The following SLCO5A1 variants were observed in gnomAD, a reference collection of about 807,000 sequenced individuals.
The protein encoded by SLCO5A1 is organic anion transporter polypeptide-related protein 4.
Under a neutral mutation model 65.1 loss-of-function variants are expected in SLCO5A1, and 39 were observed. The observed-to-expected ratio is 0.60, with a 90% CI of 0.46 to 0.78. The LOEUF is 0.78. SLCO5A1 is among the 30% of genes least tolerant of loss of function. The pLI, the probability that SLCO5A1 is intolerant of heterozygous loss-of-function variation, is 0.00. For synonymous variants in SLCO5A1, 438 were observed against 415.7 expected (o/e 1.05, Z -0.65); for missense variants, 1,029 against 1,069.4 (o/e 0.96, Z 0.53).
At chr8:69,736,417 TC>T (rs1292970119) in intron 5 of SLCO5A1, among the ~76,000 whole-genome samples, 1 of 152,230 alleles carries the variant, frequency 6.6e-6, no homozygotes, top group Non-Finnish European at 1.5e-5. Context: ...CCTACCCGGC[TC>T]AGCACTGCAC....
chr8:69,805,098 C>T (rs1006665915), intron 2 of SLCO5A1, among the ~76,000 whole-genome samples: 2 of 151,632 alleles, frequency 1.3e-5, no homozygotes, highest in Non-Finnish European at 2.9e-5. Context: ...AGTGCACATC[C>T]AAGATAACTA....
intron 4 of SLCO5A1, among the ~76,000 whole-genome samples, chr8:69,742,826 A>T (rs1816848463): frequency 2.9e-5 from 3 of 104,746 alleles, no homozygotes; most frequent in South Asian, 3.4e-4. Flanking sequence ...TTTGAGACTG[A>T]GTCTCGCTCT....
chr8:69,744,651 A>G (rs1286014631), intron 4 of SLCO5A1, among the ~76,000 whole-genome samples: 13 of 152,158 alleles, frequency 8.5e-5, no homozygotes. Flanking sequence ...CCCAGCATTC[A>G]TCTGGCCTAT....
At chr8:69,678,138 C>G (rs1465094500) in intron 8 of SLCO5A1, among the ~76,000 whole-genome samples, 1 of 152,174 alleles carries the variant, frequency 6.6e-6, no homozygotes, top group Non-Finnish European at 1.5e-5. Context: ...AGCCAGTGCC[C>G]TTATACAAAT....
At chr8:69,727,546 G>T (rs1816139575) in intron 5 of SLCO5A1, among the ~76,000 whole-genome samples, 1 of 152,176 alleles carries the variant, frequency 6.6e-6, no homozygotes, top group Non-Finnish European at 1.5e-5. Context: ...TCACTGGAGA[G>T]AGGACTCCCT....
At position 69,670,498 on chromosome 8, in the gene SLCO5A1, G is replaced by C. The variant is rs1485777590; in HGVS notation, c.*2371C>G. 3 of 152,124 alleles carry C rather than the reference G, an allele frequency of 2.0e-5. No homozygotes were observed. Among genetic ancestry groups the C allele is most frequent in the African/African-American group, 7.2e-5 (3 of 41,414 alleles). The allele number at this position is 152,124 out of a possible 1,614,324, so 9.4% of individuals were successfully genotyped here. A position where few individuals can be genotyped will look rare whatever the true frequency, so the allele number is the denominator to read the frequency against. ...CCAACAACACATTAATGAAATACCT[G>C]CTATTTATAAGGAGCAGATACTTGA... On this transcript the variant is annotated 3_prime_UTR_variant, in exon 10 of 10. Transcript: ENST00000260126.
At position 69,760,595 on chromosome 8, in the gene SLCO5A1, A is replaced by C. The variant is rs570573772; in HGVS notation, c.1040+1148T>G. 4.6e-5 allele frequency among the ~76,000 whole-genome samples: 7 copies of C among 152,322 alleles called. No homozygotes were observed. The East Asian group carries it at 7.7e-4, about 17-fold the overall frequency. Reference sequence around the variant, plus strand: ...AAGTGAGTGAGTAATTACTTGGCACATATCTTTTCTAATACTGAAGTATTC... The same window carrying C: ...AAGTGAGTGAGTAATTACTTGGCACCTATCTTTTCTAATACTGAAGTATTC... On this transcript the variant is annotated intron_variant, in intron 3 of 9. Coordinates refer to ENST00000260126, the MANE Select transcript of SLCO5A1 (RefSeq NM_030958.3).
rs534269221 is a variant in SLCO5A1 at position 69,750,119 on chromosome 8, C to G, written c.1258+5305G>C. Among the ~76,000 whole-genome samples, 6 of 152,158 alleles carry G rather than the reference C, an allele frequency of 3.9e-5. No homozygotes were observed. In the East Asian group the frequency reaches 1.2e-3, roughly 29 times the overall value. ...AAAGGAGATAAAGTCGAAGAGGTAA[C>G]CAGGGGTTAAATCATAGGTCATAAA... is the stretch of plus-strand genomic sequence containing the variant. On this transcript the variant is annotated intron_variant, in intron 4 of 9. Coordinates refer to ENST00000260126, the MANE Select transcript of SLCO5A1 (RefSeq NM_030958.3).
At chr8:69,766,723 A>G (rs1818075918) in intron 2 of SLCO5A1, among the ~76,000 whole-genome samples, 1 of 152,130 alleles carries the variant, frequency 6.6e-6, no homozygotes, top group African/African-American at 2.4e-5. Context: ...CTCCTAGTAT[A>G]TATTGCCACC....
chr8:69,813,829 C>T (rs897225021), intron 2 of SLCO5A1, among the ~76,000 whole-genome samples: 2 of 152,192 alleles, frequency 1.3e-5, no homozygotes, highest in Admixed American at 6.5e-5. Context: ...ATATAAAAAA[C>T]TCAGCCAAAG....
intron 2 of SLCO5A1, among the ~76,000 whole-genome samples, chr8:69,770,097 G>C (rs923476183): frequency 2.6e-5 from 4 of 151,988 alleles, no homozygotes; most frequent in African/African-American, 9.7e-5. Context: ...TTTTCATGTA[G>C]CTATCTCCAG....
intron 2 of SLCO5A1, among the ~76,000 whole-genome samples, chr8:69,823,972 T>G (rs1411953770): frequency 1.3e-5 from 2 of 151,932 alleles, no homozygotes; most frequent in African/African-American, 4.8e-5. Flanking sequence ...ATTAAGAAAC[T>G]CACTCAAAAC....
intron 2 of SLCO5A1, among the ~76,000 whole-genome samples, chr8:69,825,502 C>T (rs1027478269): frequency 6.6e-6 from 1 of 152,082 alleles, no homozygotes; most frequent in African/African-American, 2.4e-5. Flanking sequence ...AACAGAGAGC[C>T]AAATCATGAG....
At chr8:69,742,824 TGA>T (rs1055642570) in intron 4 of SLCO5A1, among the ~76,000 whole-genome samples, 1 of 115,494 alleles carries the variant, frequency 8.7e-6, no homozygotes, top group African/African-American at 3.6e-5. Flanking sequence ...TTTTTGAGAC[TGA>T]GTCTCGCTCT....
chr8:69,792,582 A>AC (rs1207989438), intron 2 of SLCO5A1, among the ~76,000 whole-genome samples: 1 of 152,180 alleles, frequency 6.6e-6, no homozygotes, highest in Admixed American at 6.5e-5. Flanking sequence ...ATTAAAAGGA[A>AC]CCCGATGGAT....
intron 2 of SLCO5A1, among the ~76,000 whole-genome samples, chr8:69,784,098 T>A (rs1315328414): frequency 6.6e-6 from 1 of 152,146 alleles, no homozygotes; most frequent in Non-Finnish European, 1.5e-5. Flanking sequence ...AAGCTACACC[T>A]AGATTAAAGT....
Position 69,738,025 on chromosome 8 carries a change from G to A in SLCO5A1, c.1423+15C>T. 6.2e-7 allele frequency: 1 copy of A among 1,610,856 alleles called. No individual in the cohort carries two copies. The highest frequency in any genetic ancestry group is 8.5e-7 in the Non-Finnish European group (1 of 1,178,322). On this transcript the variant is annotated intron_variant, in intron 5 of 9. Coordinates refer to ENST00000260126, the MANE Select transcript of SLCO5A1 (RefSeq NM_030958.3). ...ATGATCATGTTTTCAAGCAGCCCTA[G>A]CGGCAGTGCCTTACCAGTGTAGATG...
intron 2 of SLCO5A1, among the ~76,000 whole-genome samples, chr8:69,781,783 A>C (rs1818804605): frequency 1.3e-5 from 2 of 151,856 alleles, no homozygotes; most frequent in African/African-American, 4.8e-5. Flanking sequence ...TCAGCCTCCC[A>C]AGTAGCTGGG....
At chr8:69,829,063 G>C (rs377141799) in intron 2 of SLCO5A1, among the ~76,000 whole-genome samples, 2 of 152,166 alleles carry the variant, frequency 1.3e-5, no homozygotes, top group East Asian at 3.8e-4. Context: ...TGTACAGATT[G>C]ATCATTATTT....
Sources: allele counts gnomAD v4.1 joint callset (sites outside exome capture counted in the v4.1 genomes callset), GRCh38; gene constraint gnomAD v4.1.1; transcripts MANE v1.5; gene names NCBI Gene and HGNC (gene_info 2026-07-23, HGNC 2026-07-21).